The following XKR4 variants were observed in gnomAD, a reference collection of about 807,000 sequenced individuals.
The protein encoded by XKR4 is XK-related protein 4.
Under a neutral mutation model 53.9 loss-of-function variants are expected in XKR4, and 12 were observed. The observed-to-expected ratio is 0.22, with a 90% CI of 0.14 to 0.36. The LOEUF is 0.36. Among genes scored for constraint, XKR4 ranks in the 10% least tolerant of loss-of-function variants. XKR4 has a pLI of 1.00. For synonymous variants in XKR4, 354 were observed against 362.4 expected, an observed-to-expected ratio of 0.98 and a Z score of 0.26; for missense variants, 799 against 859.5, an observed-to-expected ratio of 0.93 and a Z score of 0.88.
At chr8:55,302,550 G>T (rs1223273360) in intron 1 of XKR4, among the ~76,000 whole-genome samples, 1 of 152,196 alleles carries the variant, frequency 6.6e-6, no homozygotes, top group Non-Finnish European at 1.5e-5. Context: ...TTGGTAGCTT[G>T]ATGGGGATGG....
At chr8:55,203,107 G>A (rs1388365230) in intron 1 of XKR4, among the ~76,000 whole-genome samples, 1 of 152,236 alleles carries the variant, frequency 6.6e-6, no homozygotes, top group Non-Finnish European at 1.5e-5. Context: ...ATAGCTACCA[G>A]GGTGTCGGAT....
chr8:55,232,261 G>A (rs572802189), intron 1 of XKR4, among the ~76,000 whole-genome samples: 3 of 152,196 alleles, frequency 2.0e-5, no homozygotes, highest in African/African-American at 4.8e-5. Flanking sequence ...GGACATTAGT[G>A]ATGCTTGACC....
chr8:55,172,730 T>G (rs1284940437), intron 1 of XKR4, among the ~76,000 whole-genome samples: 1 of 152,242 alleles, frequency 6.6e-6, no homozygotes, highest in Non-Finnish European at 1.5e-5. Flanking sequence ...TGTTCTTGCA[T>G]GATTATCATA....
At chr8:55,519,105 A>T (rs1806761589) in intron 2 of XKR4, among the ~76,000 whole-genome samples, 2 of 152,260 alleles carry the variant, frequency 1.3e-5, no homozygotes, top group African/African-American at 2.4e-5. Context: ...GAGGCAGGAG[A>T]GAGGGAAGAT....
intron 1 of XKR4, among the ~76,000 whole-genome samples, chr8:55,252,224 A>G (rs1277468550): frequency 6.6e-6 from 1 of 152,248 alleles, no homozygotes; most frequent in Non-Finnish European, 1.5e-5. Context: ...TATACTAAGC[A>G]TAAGAAAAGC....
intron 1 of XKR4, among the ~76,000 whole-genome samples, chr8:55,139,849 G>T (rs1816679974): frequency 6.6e-6 from 1 of 152,056 alleles, no homozygotes; most frequent in African/African-American, 2.4e-5. Context: ...GGAATGCTTA[G>T]CTATTATTTA....
chr8:55,163,394 G>A (rs1817014454), intron 1 of XKR4, among the ~76,000 whole-genome samples: 1 of 152,194 alleles, frequency 6.6e-6, no homozygotes. Flanking sequence ...AATGGCAAAA[G>A]AGGCAGCTCC....
intron 2 of XKR4, among the ~76,000 whole-genome samples, chr8:55,503,691 T>C (rs1806479155): frequency 1.3e-5 from 2 of 152,228 alleles, no homozygotes; most frequent in Admixed American, 6.5e-5. Flanking sequence ...ATGTCTTTTA[T>C]TTCATTTTCT....
At chr8:55,128,779 A>T (rs148710868) in intron 1 of XKR4, among the ~76,000 whole-genome samples, 119 of 152,308 alleles carry the variant, frequency 7.8e-4, no homozygotes, top group East Asian at 9.6e-4. Flanking sequence ...GAGAAAGCTT[A>T]TGGGAGGTTT....
intron 2 of XKR4, among the ~76,000 whole-genome samples, chr8:55,484,631 T>C (rs1028580212): frequency 2.6e-5 from 4 of 152,310 alleles, no homozygotes; most frequent in African/African-American, 9.6e-5. Flanking sequence ...GTGCAGTTAT[T>C]TGGTTAAATA....
chr8:55,541,286 A>G lies in XKR4; in HGVS notation c.*17059A>G, dbSNP rs1360113482. Reference sequence around the variant, plus strand: ...TACTTAATTTTGTTTGTTTGTTTCTAAGGTTGGTTTTGGGTAAAATCCTCA... The same window carrying G: ...TACTTAATTTTGTTTGTTTGTTTCTGAGGTTGGTTTTGGGTAAAATCCTCA... On this transcript the variant is annotated 3_prime_UTR_variant, in exon 3 of 3. Transcript: ENST00000327381. 1 of 152,192 alleles carries G rather than the reference A, an allele frequency of 6.6e-6. No homozygotes were observed. Among genetic ancestry groups the G allele is most frequent in the African/African-American group, 2.4e-5 (1 of 41,452 alleles). The allele number at this position is 152,192 out of a possible 1,614,324, so 9.4% of individuals were successfully genotyped here.
intron 1 of XKR4, among the ~76,000 whole-genome samples, chr8:55,259,193 G>T (rs781411530): frequency 3.9e-5 from 6 of 152,330 alleles, no homozygotes; most frequent in Middle Eastern, 6.8e-3. Flanking sequence ...ACGCACCTGG[G>T]GTGGGCCTCG....
At chr8:55,218,875 T>G (rs1817839158) in intron 1 of XKR4, among the ~76,000 whole-genome samples, 2 of 152,178 alleles carry the variant, frequency 1.3e-5, no homozygotes, top group African/African-American at 4.8e-5. Context: ...CTGTTAGTGT[T>G]CTGTAGGAAT....
At chr8:55,350,641 G>A (rs536069207) in intron 1 of XKR4, among the ~76,000 whole-genome samples, 19 of 152,232 alleles carry the variant, frequency 1.2e-4, no homozygotes, top group Non-Finnish European at 2.6e-4. Context: ...CCAGAGAAGA[G>A]AGAAAGTAGA....
intron 1 of XKR4, among the ~76,000 whole-genome samples, chr8:55,115,862 A>G (rs1390009536): frequency 1.3e-5 from 2 of 152,182 alleles, no homozygotes; most frequent in African/African-American, 4.8e-5. Context: ...TTGACTGCCT[A>G]CCTCTCACAG....
rs529254240 is a variant in XKR4 at position 55,428,558 on chromosome 8, G to C, written c.1006+70681G>C. Among the ~76,000 whole-genome samples, 15 of 152,296 alleles carry C rather than the reference G, an allele frequency of 9.8e-5. No individual in the cohort carries two copies. In the East Asian group the frequency reaches 1.5e-3, roughly 16 times the overall value. ...TAACGAGTCATCCCAAACCGCACCG[G>C]AGTGGTGTTAGAGAAGAAGTCCGGA... is the stretch of plus-strand genomic sequence containing the variant. On this transcript the variant is annotated intron_variant, in intron 2 of 2. Transcript: ENST00000327381.
At chr8:55,435,485 A>G (rs1316841788) in intron 2 of XKR4, among the ~76,000 whole-genome samples, 1 of 151,086 alleles carries the variant, frequency 6.6e-6, no homozygotes, top group East Asian at 1.9e-4. Flanking sequence ...GGCCAATTTC[A>G]CCCTTTTTAT....
chr8:55,513,634 T>C (rs1467652161), intron 2 of XKR4, among the ~76,000 whole-genome samples: 2 of 152,218 alleles, frequency 1.3e-5, no homozygotes, highest in East Asian at 3.9e-4. Context: ...TTTATTCATG[T>C]CCATACTCCA....
chr8:55,302,659 T>A (rs1300829551), intron 1 of XKR4, among the ~76,000 whole-genome samples: 2 of 152,178 alleles, frequency 1.3e-5, no homozygotes, highest in African/African-American at 4.8e-5. Context: ...GTTTGTATCC[T>A]CTTTTATTTC....
Sources: allele counts gnomAD v4.1 joint callset (sites outside exome capture counted in the v4.1 genomes callset), GRCh38; gene constraint gnomAD v4.1.1; transcripts MANE v1.5; gene names NCBI Gene and HGNC (gene_info 2026-07-23, HGNC 2026-07-21).